The following SLC38A6 variants were observed in gnomAD, a reference collection of about 807,000 sequenced individuals.
SLC38A6 encodes the protein N system amino acid transporter NAT-1.
Under a neutral mutation model 65.0 loss-of-function variants are expected in SLC38A6, and 73 were observed. That is an observed-to-expected ratio of 1.12 (90% CI 0.93 to 1.37). The LOEUF is 1.37. Among genes scored for constraint, SLC38A6 ranks in the 40% most tolerant of loss-of-function variants. The pLI is 0.00. For synonymous variants in SLC38A6, 183 were observed against 178.8 expected, an observed-to-expected ratio of 1.02 and a Z score of -0.19; for missense variants, 561 against 531.1, an observed-to-expected ratio of 1.06 and a Z score of -0.55.
At chr14:61,052,165 A>C in intron 15 of SLC38A6, 30 bp downstream of exon 15, 2 of 1,488,658 alleles carry the variant, frequency 1.3e-6, no homozygotes, top group Non-Finnish European at 1.8e-6. Context: ...TTCTTTCAAG[A>C]CTTCTATTTT....
At chr14:60,994,753 C>A (rs550867762) in intron 3 of SLC38A6, among the ~76,000 whole-genome samples, 88 of 148,350 alleles carry the variant, frequency 5.9e-4, no homozygotes, top group Middle Eastern at 4.0e-3. Flanking sequence ...CCTGTACTCC[C>A]AGCACTTTGG....
chr14:61,079,990 C>T (rs1348989410), intron 16 of SLC38A6, among the ~76,000 whole-genome samples: 1 of 152,188 alleles, frequency 6.6e-6, no homozygotes, highest in African/African-American at 2.4e-5. Context: ...TTCTTATCCT[C>T]ACTGTCTCCA....
chr14:61,069,640 C>T (rs2043157552), intron 15 of SLC38A6, among the ~76,000 whole-genome samples: 1 of 152,122 alleles, frequency 6.6e-6, no homozygotes, highest in Admixed American at 6.6e-5. Flanking sequence ...TCTGTAAACA[C>T]TTTATTCTCC....
At chr14:61,037,237 T>C in intron 7 of SLC38A6, 96 bp downstream of exon 7, 1 of 900,104 alleles carries the variant, frequency 1.1e-6, no homozygotes, top group Non-Finnish European at 1.7e-6. Context: ...AATTTCACAG[T>C]ACCACATTTT....
chr14:60,998,317 C>T (rs1362346447), intron 3 of SLC38A6, among the ~76,000 whole-genome samples: 1 of 151,874 alleles, frequency 6.6e-6, no homozygotes, highest in East Asian at 1.9e-4. Flanking sequence ...CCCCAAATTC[C>T]AGGTCCACAG....
Position 61,043,434 on chromosome 14 carries a change from C to G in SLC38A6, c.691-16C>G, listed in dbSNP as rs374261108. The G allele has an allele frequency of 6.6e-5, 104 of 1,585,612 alleles. No individual in the cohort carries two copies. The highest frequency in any genetic ancestry group is 8.6e-5 in the Non-Finnish European group (100 of 1,167,920). Reference sequence around the variant, plus strand: ...GGCTGTTGGTTTCTCTTTTTCCCCTCAATGCTCTTAAACAGATTTCAAATG... The same window carrying G: ...GGCTGTTGGTTTCTCTTTTTCCCCTGAATGCTCTTAAACAGATTTCAAATG... On this transcript the variant is annotated splice_polypyrimidine_tract_variant and intron_variant, in intron 9 of 15. Transcript: ENST00000267488.
chr14:61,075,000 A>AT (rs1450163961), intron 15 of SLC38A6, among the ~76,000 whole-genome samples: 1 of 152,192 alleles, frequency 6.6e-6, no homozygotes, highest in Non-Finnish European at 1.5e-5. Flanking sequence ...TTTCACCTCA[A>AT]TCAAAAAAAA....
chr14:61,007,706 T>TTTCTTTAATCTCATGTCTCA (rs11274436), intron 3 of SLC38A6, among the ~76,000 whole-genome samples: 1 of 152,014 alleles, frequency 6.6e-6, no homozygotes, highest in African/African-American at 2.4e-5. Context: ...AACACCGATA[T>TTTCTTTAATCTCATGTCTCA]AAGTGACATA....
chr14:61,069,774 T>C lies in SLC38A6; in HGVS notation c.1291-9036T>C, dbSNP rs186538915. Among the ~76,000 whole-genome samples the C allele has an allele frequency of 2.6e-5, 4 of 152,336 alleles. No homozygotes were observed. The East Asian group carries it at 7.7e-4, about 29-fold the overall frequency. ...TTGTATTCAGTTTTTGAGTGGGTAA[T>C]GTGCACATGGTACAGATTTTAAATT... is the stretch of plus-strand genomic sequence containing the variant. On this transcript the variant is annotated intron_variant, in intron 15 of 16. Coordinates refer to the SLC38A6 transcript ENST00000354886.
intron 15 of SLC38A6, among the ~76,000 whole-genome samples, chr14:61,071,749 C>G (rs1406805782): frequency 6.6e-6 from 1 of 151,972 alleles, no homozygotes; most frequent in Non-Finnish European, 1.5e-5. Flanking sequence ...AGGAATTACC[C>G]TTTCAATTTT....
intron 3 of SLC38A6, among the ~76,000 whole-genome samples, chr14:60,985,663 G>T (rs1237472364): frequency 6.6e-6 from 1 of 152,146 alleles, no homozygotes; most frequent in Non-Finnish European, 1.5e-5. Context: ...AGATAAAAAT[G>T]GATTTCTTAA....
intron 3 of SLC38A6, among the ~76,000 whole-genome samples, chr14:61,003,512 T>A (rs974787429): frequency 1.3e-5 from 2 of 152,208 alleles, no homozygotes; most frequent in East Asian, 3.8e-4. Flanking sequence ...GGGTCAAATG[T>A]TTTAAATATT....
At chr14:61,042,234 T>C (rs2139776627) in intron 8 of SLC38A6, among the ~76,000 whole-genome samples, 1 of 152,348 alleles carries the variant, frequency 6.6e-6, no homozygotes, top group African/African-American at 2.4e-5. Flanking sequence ...TTTATCACTG[T>C]GTAAAATTTT....
intron 12 of SLC38A6, among the ~76,000 whole-genome samples, chr14:61,047,140 G>T (rs569722442): frequency 6.6e-6 from 1 of 151,902 alleles, no homozygotes; most frequent in East Asian, 1.9e-4. Flanking sequence ...TATATTTAGG[G>T]ATCTTCAGCA....
At chr14:61,046,275 G>A in intron 12 of SLC38A6, 108 bp downstream of exon 12, 1 of 688,938 alleles carries the variant, frequency 1.5e-6, no homozygotes, top group Non-Finnish European at 2.4e-6. Flanking sequence ...AATTTGCTCA[G>A]ATCACCAAAT....
chr14:61,036,332 G>T (rs1481384500), intron 6 of SLC38A6, among the ~76,000 whole-genome samples: 2 of 151,466 alleles, frequency 1.3e-5, no homozygotes, highest in African/African-American at 2.4e-5. Context: ...AAAAGTCTTT[G>T]TTCTTCAGGA....
At chr14:61,003,498 T>C (rs566597720) in intron 3 of SLC38A6, among the ~76,000 whole-genome samples, 1 of 152,308 alleles carries the variant, frequency 6.6e-6, no homozygotes, top group Non-Finnish European at 1.5e-5. Flanking sequence ...AGACAAGCTC[T>C]TAGGGGTCAA....
intron 15 of SLC38A6, 53 bp from the exon 16 acceptor site, chr14:61,052,296 T>A (rs1338432964): frequency 1.1e-5 from 16 of 1,431,884 alleles, no homozygotes; most frequent in South Asian, 4.1e-5. Flanking sequence ...TGTATTTTTT[T>A]ATCTTTTTTC....
intron 3 of SLC38A6, chr14:60,987,165 T>C: frequency 3.5e-6 from 1 of 289,610 alleles, no homozygotes; most frequent in Non-Finnish European, 6.6e-6. Flanking sequence ...GAGGTAGGCT[T>C]TTCCTTTTTT....
Sources: gnomAD v4.1 joint callset for allele counts (sites outside exome capture counted in the v4.1 genomes callset) on GRCh38, gnomAD v4.1.1 for gene constraint, MANE v1.5 for transcripts, NCBI Gene and HGNC (gene_info 2026-07-23, HGNC 2026-07-21) for gene names.